EFCC1: variants seen among roughly 807,000 people sequenced by gnomAD.
EFCC1 encodes the protein EF-hand and coiled-coil domain-containing protein 1.
Under a neutral mutation model 52.1 loss-of-function variants are expected in EFCC1, and 50 were observed. The observed-to-expected ratio is 0.96, with a 90% CI of 0.76 to 1.21. EFCC1 has a LOEUF of 1.21. EFCC1 is among the 50% of genes most tolerant of loss of function. The pLI is 0.00. For missense variants in EFCC1, 837 were observed against 867.3 expected (o/e 0.97, Z 0.44); for synonymous variants, 399 against 396.5 (o/e 1.01, Z -0.08).
chr3:129,007,423 T>C (rs9821769), intron 2 of EFCC1, among the ~76,000 whole-genome samples: 103,766 of 152,152 alleles, frequency 0.68, 37,081 homozygotes, highest in African/African-American at 0.92. Context: ...GGAATGTCTC[T>C]AGGTGCTCTG....
rs1038691468 is a variant in EFCC1 at position 129,003,782 on chromosome 3, C to G, written c.697-12C>G. 2 of 1,432,682 alleles carry G rather than the reference C, an allele frequency of 1.4e-6. No homozygotes were observed. Among genetic ancestry groups the G allele is most frequent in the Non-Finnish European group, 1.8e-6 (2 of 1,098,016 alleles). 88.7% of individuals were successfully genotyped at this position (1,432,682 alleles called of 1,614,324 possible). ...GCACTTACCCCCTGCCCCTGCTGCCCTGTCCCCGCAGGTCGGACTCTGGAA... is the reference window on the plus strand; with the variant it reads ...GCACTTACCCCCTGCCCCTGCTGCCGTGTCCCCGCAGGTCGGACTCTGGAA... On this transcript the variant is annotated splice_polypyrimidine_tract_variant and intron_variant, in intron 1 of 7. Transcript: ENST00000683648.
chr3:129,002,012 G>GGCGCGCCTGGCGCT lies in EFCC1; in HGVS notation c.392_405dup (p.Glu136TrpfsTer99), dbSNP rs1014090050. On this transcript the variant is annotated frameshift_variant, in exon 1 of 8. Transcript: ENST00000683648. LOFTEE classifies it high-confidence loss of function. The stretch of plus-strand genomic sequence containing the variant: ...ACGGGGACTCAGATACCGATGAAGA[G>GGCGCGCCTGGCGCT]GCGCGCCTGGCGCTGCGCGCCGAGC... 6.5e-7 allele frequency: 1 copy of GGCGCGCCTGGCGCT among 1,545,752 alleles called. No individual in the cohort carries two copies. The highest frequency in any genetic ancestry group is 8.7e-7 in the Non-Finnish European group (1 of 1,145,152).
intron 2 of EFCC1, among the ~76,000 whole-genome samples, chr3:129,017,463 G>A (rs1278873324): frequency 6.6e-6 from 1 of 152,226 alleles, no homozygotes; most frequent in Non-Finnish European, 1.5e-5. Context: ...AAGGCCGAAA[G>A]CAAGGCACCC....
intron 1 of EFCC1, among the ~76,000 whole-genome samples, chr3:129,002,885 CG>C (rs970440344): frequency 1.7e-4 from 26 of 152,286 alleles, no homozygotes; most frequent in African/African-American, 6.3e-4. Context: ...CAGGCACTCA[CG>C]GGCCACCAAG....
rs1039077399 is a variant in EFCC1 at position 129,010,554 on chromosome 3, C to T, written c.980+6477C>T. ...AGGAGGGACGGCAATTGGCTGGCCA[C>T]CGTGGAGGGGACACAAAGATGAGGC... On this transcript the variant is annotated intron_variant, in intron 2 of 7. Coordinates refer to ENST00000683648, the MANE Select transcript of EFCC1 (RefSeq NM_001377500.1). The surrounding 1 kb of genome is among the most constrained non-coding windows in gnomAD (Gnocchi z 4.3). Among the ~76,000 whole-genome samples, 1 of 152,064 alleles carries T rather than the reference C, an allele frequency of 6.6e-6. No homozygotes were observed. Among genetic ancestry groups the T allele is most frequent in the Non-Finnish European group, 1.5e-5 (1 of 67,996 alleles).
rs1946255841 is a variant in EFCC1 at position 129,030,739 on chromosome 3, C to T, written c.1017C>T (p.Ala339=). ...CCCAGCTCCCAACCCCGCAGCTAGC[C>T]AACCCAGAGCCAGGAGACAAGAGTA... ...EDSQLPTPQL[A]NPEPGDKSNE... is the part of the protein sequence containing the mutation. Residue 339 remains alanine, a synonymous_variant, in exon 3 of 8, where the codon GCC becomes GCT. Coordinates refer to ENST00000683648, the MANE Select transcript of EFCC1 (RefSeq NM_001377500.1). 1 of 1,551,512 alleles carries T rather than the reference C, an allele frequency of 6.4e-7. No homozygotes were observed. The highest frequency in any genetic ancestry group is 1.4e-5 in the African/African-American group (1 of 73,012).
chr3:129,026,147 GA>G (rs1946098214), intron 2 of EFCC1, among the ~76,000 whole-genome samples: 1 of 152,244 alleles, frequency 6.6e-6, no homozygotes, highest in African/African-American at 2.4e-5. Flanking sequence ...AGAACATTCT[GA>G]AGGGTTTAGT....
At chr3:129,039,576 G>A (rs1946398526) in intron 7 of EFCC1, 136 bp from the exon 8 acceptor site, 3 of 1,367,116 alleles carry the variant, frequency 2.2e-6, no homozygotes, top group East Asian at 2.5e-5. Context: ...GTGGTCCACA[G>A]AGCGAGGAAG....
chr3:129,022,480 A>T (rs1945899580), intron 2 of EFCC1, among the ~76,000 whole-genome samples: 1 of 152,214 alleles, frequency 6.6e-6, no homozygotes, highest in African/African-American at 2.4e-5. Flanking sequence ...GAGGAAGAGC[A>T]ACATCTGGCC....
In EFCC1 at chr3:129,034,272, G is replaced by A; in HGVS notation, c.1395G>A (p.Val465=). 1 of 1,614,166 alleles carries A rather than the reference G, an allele frequency of 6.2e-7. No homozygotes were observed. Among genetic ancestry groups the A allele is most frequent in the Non-Finnish European group, 8.5e-7 (1 of 1,180,030 alleles). ...GELEACIAML[V]EQLRTQGCGG... ...TGGAGGCCTGCATTGCCATGCTGGT[G>A]GAGCAGCTGAGGACTCAGGGCTGCG... The change falls in exon 5 of 8, where the codon GTG becomes GTA. Residue 465 remains valine (V), a synonymous_variant. Coordinates refer to ENST00000683648, the MANE Select transcript of EFCC1 (RefSeq NM_001377500.1).
intron 2 of EFCC1, among the ~76,000 whole-genome samples, chr3:129,015,374 G>T (rs1458499579): frequency 6.6e-6 from 1 of 151,974 alleles, no homozygotes; most frequent in Non-Finnish European, 1.5e-5. Context: ...GGACTTTTCT[G>T]TCCTTCATGT....
chr3:129,035,339 G>A (rs1172399723), intron 5 of EFCC1, among the ~76,000 whole-genome samples: 1 of 152,194 alleles, frequency 6.6e-6, no homozygotes, highest in Non-Finnish European at 1.5e-5. Context: ...TTTGAGAGAG[G>A]TCAAATGGGC....
intron 2 of EFCC1, among the ~76,000 whole-genome samples, chr3:129,027,338 G>A (rs996935513): frequency 2.0e-5 from 3 of 152,170 alleles, no homozygotes; most frequent in Admixed American, 1.3e-4. Context: ...CCCGTGCCCC[G>A]TTTGGGCTGT....
At chr3:129,028,887 C>T (rs1158495057) in intron 2 of EFCC1, among the ~76,000 whole-genome samples, 4 of 151,942 alleles carry the variant, frequency 2.6e-5, no homozygotes, top group Non-Finnish European at 4.4e-5. Flanking sequence ...GTGATCCACC[C>T]GCCTTGGCCT....
intron 4 of EFCC1, 129 bp downstream of exon 4, chr3:129,033,095 C>G (rs748452893): frequency 1.6e-4 from 211 of 1,343,198 alleles, no homozygotes; most frequent in Middle Eastern, 2.8e-4. Context: ...ACTCTGTCCC[C>G]TTGTCCCTCA....
At position 129,010,437 on chromosome 3, in the gene EFCC1, G is replaced by A. The variant is rs536977512; in HGVS notation, c.980+6360G>A. Among the ~76,000 whole-genome samples, 11 of 152,312 alleles carry A rather than the reference G, an allele frequency of 7.2e-5. No homozygotes were observed. The South Asian group carries it at 2.3e-3, about 32-fold the overall frequency. The stretch of plus-strand genomic sequence containing the variant: ...GAGCCAGCTCAGCTCAGCCGGAACA[G>A]GGAGGAGAGGCCTGGCGGCCTGGCC... On this transcript the variant is annotated intron_variant, in intron 2 of 7. Coordinates refer to ENST00000683648, the MANE Select transcript of EFCC1 (RefSeq NM_001377500.1). The surrounding 1 kb of genome is among the most constrained non-coding windows in gnomAD (Gnocchi z 4.3).
chr3:129,038,718 T>G (rs1576787637), intron 6 of EFCC1, 113 bp from the exon 7 acceptor site: 1 of 1,034,886 alleles, frequency 9.7e-7, no homozygotes. Context: ...GGGGAGGAGC[T>G]TTATCTGTCC....
intron 2 of EFCC1, among the ~76,000 whole-genome samples, chr3:129,018,235 A>G (rs977544321): frequency 4.6e-5 from 7 of 152,150 alleles, no homozygotes; most frequent in African/African-American, 7.2e-5. Context: ...TAGGGAGACA[A>G]ATTGTCTCCA....
rs749020763 is a variant in EFCC1 at position 129,034,149 on chromosome 3, T to A, written c.1287-15T>A. 1 of 1,614,124 alleles carries A rather than the reference T, an allele frequency of 6.2e-7. No individual in the cohort carries two copies. Among genetic ancestry groups the A allele is most frequent in the Non-Finnish European group, 8.5e-7 (1 of 1,179,978 alleles). ...AAGCAGCCCCCTGCAATGCGGGCCCTCTCCTTTGCTGCAGGTGTGATGACC... is the reference window on the plus strand; with the variant it reads ...AAGCAGCCCCCTGCAATGCGGGCCCACTCCTTTGCTGCAGGTGTGATGACC... On this transcript the variant is annotated splice_polypyrimidine_tract_variant and intron_variant, in intron 4 of 7. Coordinates refer to ENST00000683648, the MANE Select transcript of EFCC1 (RefSeq NM_001377500.1).
Sources: allele counts gnomAD v4.1 joint callset (sites outside exome capture counted in the v4.1 genomes callset), GRCh38; gene constraint gnomAD v4.1.1; non-coding constraint Gnocchi (gnomAD v3.1); transcripts MANE v1.5; gene names NCBI Gene and HGNC (gene_info 2026-07-23, HGNC 2026-07-21).